Variants in ITGA9 observed in about 807,000 individuals in gnomAD.
ITGA9 encodes the protein integrin alpha-9.
Under a neutral mutation model 127.8 loss-of-function variants are expected in ITGA9, and 56 were observed. That is an observed-to-expected ratio of 0.44 (90% CI 0.35 to 0.55). The LOEUF is 0.55. Among genes scored for constraint, ITGA9 ranks in the 20% least tolerant of loss-of-function variants. ITGA9 has a pLI of 0.00. For missense variants in ITGA9, 1,196 were observed against 1,347.1 expected, an observed-to-expected ratio of 0.89 and a Z score of 1.76; for synonymous variants, 508 against 514.5, an observed-to-expected ratio of 0.99 and a Z score of 0.17.
chr3:37,744,988 A>G (rs1696484009), intron 22 of ITGA9, among the ~76,000 whole-genome samples: 4 of 152,328 alleles, frequency 2.6e-5, no homozygotes, highest in East Asian at 1.9e-4. Flanking sequence ...ACAACAGTCC[A>G]TATCTCCTCA....
At chr3:37,671,275 G>C (rs1700634961) in intron 17 of ITGA9, among the ~76,000 whole-genome samples, 1 of 152,250 alleles carries the variant, frequency 6.6e-6, no homozygotes. Context: ...GAATTCCTCT[G>C]TTAGCTGGGA....
intron 4 of ITGA9, among the ~76,000 whole-genome samples, chr3:37,491,044 G>A (rs1052260154): frequency 6.3e-5 from 9 of 142,938 alleles, no homozygotes; most frequent in East Asian, 2.1e-4. Context: ...CGGCATGATC[G>A]TGGCTCACTG....
intron 15 of ITGA9, among the ~76,000 whole-genome samples, chr3:37,560,303 A>G (rs897166300): frequency 7.2e-5 from 11 of 152,226 alleles, no homozygotes; most frequent in African/African-American, 2.7e-4. Flanking sequence ...ATGGCTGCAT[A>G]GTATTCCATG....
intron 4 of ITGA9, among the ~76,000 whole-genome samples, chr3:37,482,978 A>G (rs1698571722): frequency 6.6e-6 from 1 of 152,156 alleles, no homozygotes; most frequent in African/African-American, 2.4e-5. Flanking sequence ...AACGCAAAGC[A>G]TGTGTCAAGC....
At chr3:37,815,902 C>T (rs939540434) in intron 27 of ITGA9, among the ~76,000 whole-genome samples, 1 of 152,048 alleles carries the variant, frequency 6.6e-6, no homozygotes, top group Non-Finnish European at 1.5e-5. Flanking sequence ...TGGGAGTTGG[C>T]TAGTCTGGGA....
chr3:37,767,339 A>G (rs1428289340), intron 23 of ITGA9, among the ~76,000 whole-genome samples: 14 of 152,204 alleles, frequency 9.2e-5, no homozygotes. Flanking sequence ...TTCAGACTCC[A>G]TACCACTTTT....
At chr3:37,521,722 A>G (rs1234680114) in intron 11 of ITGA9, among the ~76,000 whole-genome samples, 1 of 152,178 alleles carries the variant, frequency 6.6e-6, no homozygotes, top group Non-Finnish European at 1.5e-5. Context: ...AGAAATGTAG[A>G]TCCAGGGGCA....
intron 15 of ITGA9, among the ~76,000 whole-genome samples, chr3:37,585,970 T>G (rs1699755864): frequency 6.6e-6 from 1 of 152,252 alleles, no homozygotes; most frequent in Non-Finnish European, 1.5e-5. Context: ...AGCACTGGGC[T>G]CTGCTTATGA....
At chr3:37,771,689 T>C (rs1032672877) in intron 23 of ITGA9, among the ~76,000 whole-genome samples, 3 of 152,164 alleles carry the variant, frequency 2.0e-5, no homozygotes, top group Non-Finnish European at 4.4e-5. Flanking sequence ...CGCAGCTGCC[T>C]TCCAGAAACA....
chr3:37,529,058 A>AT (rs1559528978), intron 13 of ITGA9, among the ~76,000 whole-genome samples: 1 of 152,062 alleles, frequency 6.6e-6, no homozygotes, highest in African/African-American at 2.4e-5. Flanking sequence ...TGCATTTGAG[A>AT]TTCGTTCATG....
At chr3:37,533,570 G>T (rs1198988065) in intron 14 of ITGA9, 102 bp downstream of exon 14, 31 of 1,144,712 alleles carry the variant, frequency 2.7e-5, no homozygotes, top group Non-Finnish European at 3.3e-5. Context: ...AGCTGGTTTT[G>T]CAGGCAGCAG....
At chr3:37,474,043 G>A (rs573800146) in intron 3 of ITGA9, among the ~76,000 whole-genome samples, 1 of 152,240 alleles carries the variant, frequency 6.6e-6, no homozygotes, top group African/African-American at 2.4e-5. Flanking sequence ...CCCATTGTAC[G>A]TATCAGTAGT....
At chr3:37,464,102 T>G (rs1295072498) in intron 1 of ITGA9, among the ~76,000 whole-genome samples, 2 of 145,512 alleles carry the variant, frequency 1.4e-5, no homozygotes, top group African/African-American at 5.2e-5. Flanking sequence ...GTAGATTTCC[T>G]CACAGAAGGT....
intron 17 of ITGA9, among the ~76,000 whole-genome samples, chr3:37,672,396 T>TGA (rs1302486569): frequency 6.6e-6 from 1 of 152,190 alleles, no homozygotes; most frequent in Non-Finnish European, 1.5e-5. Context: ...CACACTCTCT[T>TGA]GCCTGCCACC....
chr3:37,595,247 C>T (rs888630739), intron 15 of ITGA9, among the ~76,000 whole-genome samples: 17 of 152,082 alleles, frequency 1.1e-4, no homozygotes, highest in Non-Finnish European at 2.9e-5. Flanking sequence ...TGGGCAGTGT[C>T]AGCAGCTCTC....
intron 13 of ITGA9, among the ~76,000 whole-genome samples, chr3:37,528,976 C>T (rs566296536): frequency 1.3e-5 from 2 of 151,866 alleles, no homozygotes; most frequent in South Asian, 4.2e-4. Flanking sequence ...CCATCTTGCC[C>T]ATTCTAGAAT....
chr3:37,714,856 G>C (rs1219465082), intron 18 of ITGA9, among the ~76,000 whole-genome samples: 1 of 152,194 alleles, frequency 6.6e-6, no homozygotes, highest in Non-Finnish European at 1.5e-5. Flanking sequence ...AACCTCCTCT[G>C]CACAATGCAC....
At chr3:37,618,551 C>T (rs916626034) in intron 15 of ITGA9, among the ~76,000 whole-genome samples, 25 of 152,334 alleles carry the variant, frequency 1.6e-4, no homozygotes, top group African/African-American at 5.1e-4. Context: ...CTATCCCCTA[C>T]CCCCAGAGGT....
At chr3:37,816,032 C>T (rs1697427956) in intron 27 of ITGA9, among the ~76,000 whole-genome samples, 2 of 152,184 alleles carry the variant, frequency 1.3e-5, no homozygotes, top group African/African-American at 4.8e-5. Context: ...GTGTAACAGA[C>T]ACAACATCTC....
Sources: allele counts gnomAD v4.1 joint callset (sites outside exome capture counted in the v4.1 genomes callset), GRCh38; gene constraint gnomAD v4.1.1; transcripts MANE v1.5; gene names NCBI Gene and HGNC (gene_info 2026-07-23, HGNC 2026-07-21).